Variants in PTPRD observed in about 807,000 individuals in gnomAD.
PTPRD encodes the protein receptor-type tyrosine-protein phosphatase delta.
In PTPRD, 34 loss-of-function variants were observed where a neutral mutation model predicts 214.5. The observed-to-expected ratio is 0.16, with a 90% CI of 0.12 to 0.21. PTPRD has a LOEUF of 0.21. PTPRD is among the 10% of genes least tolerant of loss of function. PTPRD has a pLI of 1.00. For synonymous variants in PTPRD, 1,128 were observed against 845.7 expected (o/e 1.33, Z -5.79); for missense variants, 2,545 against 2,398.7 (o/e 1.06, Z -1.27).
At chr9:9,992,311 T>C (rs916640383) in intron 4 of PTPRD, among the ~76,000 whole-genome samples, 1 of 152,148 alleles carries the variant, frequency 6.6e-6, no homozygotes. Context: ...ATAATAAAAA[T>C]TCGTGGTAAA....
intron 4 of PTPRD, among the ~76,000 whole-genome samples, chr9:9,948,061 A>G (rs1231875451): frequency 6.6e-6 from 1 of 151,992 alleles, no homozygotes; most frequent in East Asian, 1.9e-4. Context: ...AAGACAGAGG[A>G]AAAAGGAGAA....
chr9:9,576,668 G>A (rs940193978), intron 7 of PTPRD, among the ~76,000 whole-genome samples: 1 of 152,120 alleles, frequency 6.6e-6, no homozygotes, highest in African/African-American at 2.4e-5. Context: ...TTAACATTTG[G>A]CTGAAGCTAA....
chr9:9,749,093 T>G (rs540694585), intron 6 of PTPRD, among the ~76,000 whole-genome samples: 1 of 152,278 alleles, frequency 6.6e-6, no homozygotes, highest in East Asian at 1.9e-4. Context: ...CCTGATCTTC[T>G]CTTTACTCCT....
intron 44 of PTPRD, among the ~76,000 whole-genome samples, chr9:8,322,441 G>A (rs576771397): frequency 6.6e-6 from 1 of 152,272 alleles, no homozygotes; most frequent in South Asian, 2.1e-4. Context: ...CTTTACTGCT[G>A]ATATGAAGAA....
chr9:8,953,027 C>A lies in PTPRD; in HGVS notation c.-104+65670G>T, dbSNP rs577050221. Among the ~76,000 whole-genome samples the A allele has an allele frequency of 7.2e-5, 11 of 151,840 alleles. No individual in the cohort carries two copies. In the South Asian group the frequency reaches 2.3e-3, roughly 32 times the overall value. On this transcript the variant is annotated intron_variant, in intron 11 of 45. Transcript: ENST00000381196. ...GGCTGTTTATCTTGTTCCTCCATTC[C>A]AACAATTTTATAATATAAAGCAACG...
chr9:9,337,117 A>G (rs2044835592), intron 9 of PTPRD, among the ~76,000 whole-genome samples: 1 of 152,174 alleles, frequency 6.6e-6, no homozygotes, highest in Non-Finnish European at 1.5e-5. Context: ...TTCTTTCCCA[A>G]CCTTGGAAAC....
At chr9:8,775,934 A>C (rs1408407382) in intron 11 of PTPRD, among the ~76,000 whole-genome samples, 3 of 152,214 alleles carry the variant, frequency 2.0e-5, no homozygotes, top group Non-Finnish European at 4.4e-5. Flanking sequence ...TGTTTCATTT[A>C]GGCTGGGCCA....
chr9:9,109,347 T>C (rs2099802937), intron 10 of PTPRD, among the ~76,000 whole-genome samples: 1 of 152,148 alleles, frequency 6.6e-6, no homozygotes, highest in South Asian at 2.1e-4. Context: ...AGAATGGTCA[T>C]GAAGAGAGGC....
At chr9:8,966,461 C>T (rs1216165145) in intron 11 of PTPRD, among the ~76,000 whole-genome samples, 1 of 151,726 alleles carries the variant, frequency 6.6e-6, no homozygotes, top group Non-Finnish European at 1.5e-5. Context: ...AGTCACACAC[C>T]TACATCCATC....
At chr9:10,384,042 A>G (rs2097866951) in intron 2 of PTPRD, among the ~76,000 whole-genome samples, 1 of 149,622 alleles carries the variant, frequency 6.7e-6, no homozygotes, top group Non-Finnish European at 1.5e-5. Flanking sequence ...TAGTGCAGGG[A>G]CTGAGGAGGA....
At chr9:10,458,993 G>A (rs1424273861) in intron 2 of PTPRD, among the ~76,000 whole-genome samples, 2 of 152,068 alleles carry the variant, frequency 1.3e-5, no homozygotes, top group Non-Finnish European at 2.9e-5. Context: ...GTGGTTTGCT[G>A]CACCTATCAA....
At chr9:9,917,452 T>TTAA (rs145872075) in intron 5 of PTPRD, among the ~76,000 whole-genome samples, 2 of 127,608 alleles carry the variant, frequency 1.6e-5, no homozygotes, top group Admixed American at 8.2e-5. Flanking sequence ...GAAAATTTCC[T>TTAA]AAAAAAAAAA....
chr9:8,715,927 C>T (rs939149311), intron 12 of PTPRD, among the ~76,000 whole-genome samples: 2 of 152,254 alleles, frequency 1.3e-5, no homozygotes, highest in African/African-American at 4.8e-5. Context: ...ATTCCTGCTT[C>T]TACTTAGCTG....
intron 2 of PTPRD, among the ~76,000 whole-genome samples, chr9:10,440,654 A>C (rs1049674658): frequency 2.0e-5 from 3 of 151,738 alleles, no homozygotes; most frequent in Non-Finnish European, 4.4e-5. Flanking sequence ...CCAAACTTGA[A>C]AGCAATGAGA....
chr9:9,363,250 C>CA (rs1336768388), intron 9 of PTPRD, among the ~76,000 whole-genome samples: 1 of 150,622 alleles, frequency 6.6e-6, no homozygotes, highest in African/African-American at 2.4e-5. Flanking sequence ...ATCAACACCC[C>CA]AAAAGGCATC....
intron 43 of PTPRD, among the ~76,000 whole-genome samples, chr9:8,332,002 G>A (rs992978461): frequency 3.3e-5 from 5 of 151,942 alleles, no homozygotes; most frequent in Non-Finnish European, 5.9e-5. Context: ...CCTGGTTCTC[G>A]TTAGTAGCCA....
rs727791 is a variant in PTPRD, at chr9:9,026,578, T to C, written c.-142-7843A>G. On this transcript the variant is annotated intron_variant, in intron 10 of 45. Transcript: ENST00000381196. ...TCAGTTTTATTTTCTGTATGTTTTGTTGCTGCCTATAATAGTAATGTTTTT... is the reference window on the plus strand; with the variant it reads ...TCAGTTTTATTTTCTGTATGTTTTGCTGCTGCCTATAATAGTAATGTTTTT... 1.6e-3 allele frequency among the ~76,000 whole-genome samples: 242 copies of C among 152,074 alleles called. 2 individuals are homozygous for C. Among genetic ancestry groups the C allele is most frequent in the African/African-American group, 5.5e-3 (230 of 41,530 alleles).
intron 8 of PTPRD, among the ~76,000 whole-genome samples, chr9:9,516,712 A>G (rs2096847742): frequency 6.6e-6 from 1 of 151,742 alleles, no homozygotes; most frequent in Admixed American, 6.6e-5. Flanking sequence ...TAATTTTTGT[A>G]TTTTTAGTAA....
At chr9:9,602,891 A>C (rs16929896) in intron 7 of PTPRD, among the ~76,000 whole-genome samples, 2,723 of 152,278 alleles carry the variant, frequency 0.018, 77 homozygotes, top group African/African-American at 0.062. Flanking sequence ...CATATTATAA[A>C]ATTCTAAATA....
Sources: allele counts gnomAD v4.1 joint callset (sites outside exome capture counted in the v4.1 genomes callset), GRCh38; gene constraint gnomAD v4.1.1; transcripts MANE v1.5; gene names NCBI Gene and HGNC (gene_info 2026-07-23, HGNC 2026-07-21).